ECHDC1: variants seen among roughly 807,000 people sequenced by gnomAD.
ECHDC1 encodes the protein ethylmalonyl-CoA decarboxylase 1, also known as ethylmalonyl-CoA decarboxylase.
ECHDC1 carries 29 observed loss-of-function variants against 29.7 expected under a neutral mutation model. The observed-to-expected ratio is 0.98, with a 90% CI of 0.73 to 1.33. The LOEUF (loss-of-function observed/expected upper bound fraction) is 1.33. Ranked by LOEUF, ECHDC1 falls within the 40% of genes most tolerant of loss-of-function variation. The pLI, the probability that ECHDC1 is intolerant of heterozygous loss-of-function variation, is 0.00. For synonymous variants in ECHDC1, 126 were observed against 123.1 expected (o/e 1.02, Z -0.15); for missense variants, 328 against 350.0 (o/e 0.94, Z 0.50).
chr6:127,328,237 T>G (rs2114671083), intron 2 of ECHDC1, among the ~76,000 whole-genome samples: 2 of 152,384 alleles, frequency 1.3e-5, no homozygotes, highest in South Asian at 4.1e-4. Context: ...CCTACAGTCA[T>G]GCACCAACAA....
intron 2 of ECHDC1, among the ~76,000 whole-genome samples, chr6:127,328,417 G>A (rs1562329059): frequency 6.6e-6 from 1 of 152,208 alleles, no homozygotes; most frequent in African/African-American, 2.4e-5. Flanking sequence ...TTGTAGCCTA[G>A]GAGCAGCAAG....
chr6:127,333,045 G>A (rs1346679337), intron 1 of ECHDC1, among the ~76,000 whole-genome samples: 1 of 152,146 alleles, frequency 6.6e-6, no homozygotes, highest in East Asian at 1.9e-4. Context: ...CACCCACCTT[G>A]GCTTCCCAAA....
chr6:127,323,132 T>C (rs1466481226), intron 3 of ECHDC1, among the ~76,000 whole-genome samples: 10 of 152,094 alleles, frequency 6.6e-5, no homozygotes, highest in Admixed American at 6.6e-4. Flanking sequence ...GAAATATAAG[T>C]GAATTTTTTG....
chr6:127,291,563 G>C (rs1780187147), intron 5 of ECHDC1, among the ~76,000 whole-genome samples: 1 of 152,120 alleles, frequency 6.6e-6, no homozygotes, highest in African/African-American at 2.4e-5. Flanking sequence ...TCAACAGACT[G>C]AGTAAAGCTA....
At chr6:127,300,154 T>A (rs1318219053) in intron 5 of ECHDC1, among the ~76,000 whole-genome samples, 1 of 152,176 alleles carries the variant, frequency 6.6e-6, no homozygotes, top group African/African-American at 2.4e-5. Flanking sequence ...ACTATTACTG[T>A]TTTCTAAAAA....
intron 5 of ECHDC1, chr6:127,313,537 A>G: frequency 2.2e-6 from 1 of 453,198 alleles, no homozygotes; most frequent in Non-Finnish European, 4.4e-6. Context: ...GATGTTTTGA[A>G]ATATGTAGAG....
At position 127,290,262 on chromosome 6, in the gene ECHDC1, C is replaced by T. The variant is rs201266835; in HGVS notation, c.513G>A (p.Glu171=). The T allele has an allele frequency of 3.1e-6, 5 of 1,612,432 alleles. No individual in the cohort carries two copies. In the East Asian group the frequency reaches 8.9e-5, roughly 29 times the overall value. The change falls in exon 6 of 6, where the codon GAG becomes GAA. Residue 171 remains glutamate (E), a synonymous_variant. Transcript: ENST00000454859. Reference sequence around the variant, plus strand: ...CTTTGTGGACGAATCTGATCTTACTCTCTGGAGTCATTAACCTGTAAAAGA... The same window carrying T: ...CTTTGTGGACGAATCTGATCTTACTTTCTGGAGTCATTAACCTGTAAAAGA... ...TACDFRLMTP[E]SKIRFVHKEM...
At chr6:127,342,337 T>C in intron 1 of ECHDC1, 5 of 1,543,942 alleles carry the variant, frequency 3.2e-6, no homozygotes, top group South Asian at 1.2e-5. Flanking sequence ...CTACCCTGTT[T>C]ATAATCCTCA....
chr6:127,298,484 C>G (rs1582934249), intron 5 of ECHDC1, among the ~76,000 whole-genome samples: 1 of 152,216 alleles, frequency 6.6e-6, no homozygotes, highest in East Asian at 1.9e-4. Flanking sequence ...TAAGTACTTC[C>G]TGAAGCACAT....
intron 5 of ECHDC1, among the ~76,000 whole-genome samples, chr6:127,308,657 T>C (rs6904520): frequency 0.73 from 111,066 of 152,030 alleles, 40,741 homozygotes; most frequent in East Asian, 0.78. Context: ...CTAGCTAGAG[T>C]AATCAGACAA....
intron 3 of ECHDC1, 98 bp from the exon 4 acceptor site, chr6:127,316,600 A>G: frequency 1.1e-6 from 1 of 946,314 alleles, no homozygotes; most frequent in East Asian, 2.7e-5. Flanking sequence ...AGCCAAAAAT[A>G]TGTCTTTTTT....
intron 5 of ECHDC1, among the ~76,000 whole-genome samples, chr6:127,308,273 A>T (rs1781608655): frequency 6.6e-6 from 1 of 152,186 alleles, no homozygotes; most frequent in East Asian, 1.9e-4. Context: ...ACTGAATTCA[A>T]CAATATATTA....
rs796444508 is a variant in ECHDC1 at position 127,289,089 on chromosome 6, GAAAA to G, written c.*776_*779del. Reference sequence around the variant, plus strand: ...TGTTAGAAGGTTAGTTGTTTTTCAGGAAAAAAAAGAAATCTGATGTAAAAATGCA... The same window carrying G: ...TGTTAGAAGGTTAGTTGTTTTTCAGGAAAAGAAATCTGATGTAAAAATGCA... On this transcript the variant is annotated 3_prime_UTR_variant, in exon 6 of 6. Coordinates refer to ENST00000454859, the MANE Select transcript of ECHDC1 (RefSeq NM_001002030.2). 1 of 151,514 alleles carries G rather than the reference GAAAA, an allele frequency of 6.6e-6. No homozygotes were observed. The highest frequency in any genetic ancestry group is 1.9e-4 in the East Asian group (1 of 5,166). The allele number at this position is 151,514 out of a possible 1,614,324, so 9.4% of individuals were successfully genotyped here.
chr6:127,293,061 A>G lies in ECHDC1; in HGVS notation c.498-2784T>C, dbSNP rs188047393. 4.6e-4 allele frequency among the ~76,000 whole-genome samples: 70 copies of G among 152,268 alleles called. No individual in the cohort carries two copies. The East Asian group carries it at 0.011, about 25-fold the overall frequency. ...ACTACTGTCTGGATGAAACAATGTT[A>G]TAAGAAAGACTACTCATAACTGGGG... is the stretch of plus-strand genomic sequence containing the variant. On this transcript the variant is annotated intron_variant, in intron 5 of 5. Coordinates refer to ENST00000454859, the MANE Select transcript of ECHDC1 (RefSeq NM_001002030.2).
At chr6:127,333,462 C>T (rs982960320) in intron 1 of ECHDC1, among the ~76,000 whole-genome samples, 4 of 151,960 alleles carry the variant, frequency 2.6e-5, no homozygotes, top group African/African-American at 9.7e-5. Flanking sequence ...TAGTTATGAA[C>T]ATTTTAGCAT....
At chr6:127,309,748 A>G (rs1781745708) in intron 5 of ECHDC1, among the ~76,000 whole-genome samples, 1 of 152,220 alleles carries the variant, frequency 6.6e-6, no homozygotes, top group South Asian at 2.1e-4. Context: ...CACAGATTGT[A>G]TGGGAAGCAT....
intron 2 of ECHDC1, among the ~76,000 whole-genome samples, chr6:127,327,723 C>T (rs1268791320): frequency 3.3e-5 from 5 of 152,242 alleles, no homozygotes; most frequent in East Asian, 3.9e-4. Flanking sequence ...TTGAGGCATA[C>T]GATGGAAGTT....
chr6:127,343,099 C>T (rs1248380019), intron 1 of ECHDC1: 1 of 152,192 alleles, frequency 6.6e-6, no homozygotes, highest in East Asian at 1.9e-4. Flanking sequence ...TCCCCTCGCC[C>T]TCTTTCCCCG....
chr6:127,315,971 T>G (rs1021281580), intron 4 of ECHDC1: 1 of 470,682 alleles, frequency 2.1e-6, no homozygotes. Flanking sequence ...CTTTGCTTCT[T>G]TACCTAGGTG....
Sources: gnomAD v4.1 joint callset for allele counts (sites outside exome capture counted in the v4.1 genomes callset) on GRCh38, gnomAD v4.1.1 for gene constraint, MANE v1.5 for transcripts, NCBI Gene and HGNC (gene_info 2026-07-23, HGNC 2026-07-21) for gene names.